The following CYFIP2 variants were observed in gnomAD, a reference collection of about 807,000 sequenced individuals.
CYFIP2 encodes the protein cytoplasmic FMR1 interacting protein 2, also known as cytoplasmic FMR1-interacting protein 2.
CYFIP2 carries 29 observed loss-of-function variants against 158.7 expected under a neutral mutation model. The ratio of observed to expected loss-of-function variants is 0.18; its 90% CI spans 0.14 to 0.25. CYFIP2 has a LOEUF of 0.25. Among genes scored for constraint, CYFIP2 ranks in the 10% least tolerant of loss-of-function variants. The probability of loss-of-function intolerance (pLI) is 1.00; values close to 1 mark genes in which losing one functional copy is unlikely to be tolerated. For synonymous variants in CYFIP2, 585 were observed against 617.6 expected (o/e 0.95, Z 0.78); for missense variants, 852 against 1,639.5 (o/e 0.52, Z 8.29).
At chr5:157,382,720 T>A (rs942489655) in intron 27 of CYFIP2, 58 bp downstream of exon 27, 1 of 1,536,326 alleles carries the variant, frequency 6.5e-7, no homozygotes, top group Non-Finnish European at 9.0e-7. Context: ...TATTCTCACT[T>A]CCTAATTGCA....
At chr5:157,278,470 A>G (rs1756734765) in intron 1 of CYFIP2, among the ~76,000 whole-genome samples, 1 of 152,200 alleles carries the variant, frequency 6.6e-6, no homozygotes, top group African/African-American at 2.4e-5. Context: ...AAGGCATAGA[A>G]TTGGGAGTCA....
intron 16 of CYFIP2, chr5:157,324,669 G>A (rs1760871767): frequency 6.6e-6 from 1 of 152,150 alleles, no homozygotes; most frequent in Non-Finnish European, 1.5e-5. Flanking sequence ...ATTATCACAC[G>A]CGAGGAGTCA....
intron 10 of CYFIP2, chr5:157,310,949 C>T: frequency 4.4e-6 from 2 of 454,880 alleles, no homozygotes; most frequent in Middle Eastern, 3.3e-4. Context: ...TCCTTTTTCT[C>T]TTGGGGATGG....
chr5:157,309,198 A>G (rs888116589), intron 9 of CYFIP2, among the ~76,000 whole-genome samples: 2 of 152,236 alleles, frequency 1.3e-5, no homozygotes, highest in Admixed American at 1.3e-4. Flanking sequence ...AGTGCTTGGC[A>G]TAGTACCTAG....
At chr5:157,324,613 G>T (rs1760865491) in intron 16 of CYFIP2, among the ~76,000 whole-genome samples, 2 of 152,224 alleles carry the variant, frequency 1.3e-5, no homozygotes, top group Admixed American at 1.3e-4. Context: ...TTAGAGAGTA[G>T]CCCGGGAAGG....
rs765652619 is a variant in CYFIP2 at position 157,324,001 on chromosome 5, T to A, written c.1752T>A (p.Asp584Glu). ...AGAAGACCCTGAGGAGCAGCCTGGA[T>A]GGACCCATTGTCCTCGCCATAGAGG... ...GSKKTLRSSL[D>E]GPIVLAIEDF... The change falls in exon 16 of 31, where the codon GAT becomes GAA. Residue 584 changes from aspartate (D) to glutamate (E), a missense_variant. Asp to Glu is a conservative substitution (Grantham distance 45). This residue lies in a region of CYFIP2 where 167 missense variants were observed against 343.3 expected (regional missense o/e 0.49). Coordinates refer to ENST00000620254, the MANE Select transcript of CYFIP2 (RefSeq NM_001037333.3). 16 of 1,613,422 alleles carry A rather than the reference T, an allele frequency of 9.9e-6. No homozygotes were observed. Among genetic ancestry groups the A allele is most frequent in the Non-Finnish European group, 1.4e-5 (16 of 1,179,684 alleles).
At chr5:157,270,199 G>A (rs1755973732) in intron 1 of CYFIP2, among the ~76,000 whole-genome samples, 1 of 152,200 alleles carries the variant, frequency 6.6e-6, no homozygotes. Context: ...GATTCTGTTT[G>A]CGTCATTATT....
In CYFIP2 at chr5:157,319,984, T is replaced by C. The variant is rs1014988875; in HGVS notation, c.1523+56T>C. On this transcript the variant is annotated intron_variant, in intron 14 of 30. Transcript: ENST00000620254. ...CAGACATAAGCATGCCAGGTACCCA[T>C]CAGAGAGGATGTCCTGGCTCAGCCA... 15 of 1,583,036 alleles carry C rather than the reference T, an allele frequency of 9.5e-6. No individual in the cohort carries two copies. The Middle Eastern group carries it at 5.1e-4, about 54-fold the overall frequency.
At chr5:157,343,447 A>G (rs1762445537) in intron 23 of CYFIP2, 1 of 1,614,030 alleles carries the variant, frequency 6.2e-7, no homozygotes, top group Non-Finnish European at 8.5e-7. Flanking sequence ...GCCTGTACAT[A>G]ATATGGTAAT....
chr5:157,320,034 C>T (rs1330793439), intron 14 of CYFIP2, 106 bp downstream of exon 14: 1 of 1,415,108 alleles, frequency 7.1e-7, no homozygotes. Flanking sequence ...GTCCTTCCAG[C>T]AAGCTCCAGA....
chr5:157,364,736 A>C (rs1368416003), intron 26 of CYFIP2: 1 of 152,152 alleles, frequency 6.6e-6, no homozygotes, highest in Non-Finnish European at 1.5e-5. Flanking sequence ...AGAATGAGGC[A>C]TGAGCTTTCT....
chr5:157,337,333 G>A (rs1209647429), intron 21 of CYFIP2, among the ~76,000 whole-genome samples: 1 of 152,122 alleles, frequency 6.6e-6, no homozygotes, highest in African/African-American at 2.4e-5. Flanking sequence ...AAAATTGCAG[G>A]ATTTGCCATC....
rs267600515 is a variant in CYFIP2 at position 157,314,395 on chromosome 5, G to A, written c.1162G>A (p.Glu388Lys). The change falls in exon 12 of 31, where the codon GAG becomes AAG. Residue 388 changes from glutamate to lysine, a missense_variant. Coordinates refer to ENST00000620254, the MANE Select transcript of CYFIP2 (RefSeq NM_001037333.3). ...DSQKSDEEYRELFDLALRGLQ... is the reference protein window; with the variant it reads ...DSQKSDEEYRKLFDLALRGLQ... ...CCAGAAGTCAGACGAGGAGTATCGC[G>A]AGCTCTTCGACCTAGCCCTGCGGGG... 7 of 1,613,926 alleles carry A rather than the reference G, an allele frequency of 4.3e-6. No homozygotes were observed. The highest frequency in any genetic ancestry group is 4.2e-6 in the Non-Finnish European group (5 of 1,179,874).
chr5:157,302,897 G>A lies in CYFIP2; in HGVS notation c.666+7G>A. The A allele has an allele frequency of 6.4e-7, 1 of 1,566,512 alleles. No homozygotes were observed. The highest frequency in any genetic ancestry group is 1.9e-5 in the Admixed American group (1 of 52,786). ...CCACAACAGGATCACCCAGGTGAGG[G>A]CAGACTCCTTGTTAGGCCTGGCCTG... is the stretch of plus-strand genomic sequence containing the variant. On this transcript the variant is annotated splice_region_variant and intron_variant, in intron 7 of 30. Transcript: ENST00000620254.
intron 20 of CYFIP2, among the ~76,000 whole-genome samples, chr5:157,332,607 T>C (rs953770243): frequency 2.0e-5 from 3 of 152,232 alleles, no homozygotes; most frequent in African/African-American, 4.8e-5. Context: ...CAGTTTCTTA[T>C]CGGTGCATGC....
intron 3 of CYFIP2, among the ~76,000 whole-genome samples, chr5:157,291,237 C>T (rs375982888): frequency 5.9e-5 from 9 of 152,114 alleles, no homozygotes; most frequent in Non-Finnish European, 1.2e-4. Flanking sequence ...GGGTTGAACA[C>T]GAATGATTCA....
intron 21 of CYFIP2, among the ~76,000 whole-genome samples, chr5:157,338,391 C>G (rs1263971831): frequency 1.3e-5 from 2 of 152,244 alleles, no homozygotes; most frequent in Non-Finnish European, 2.9e-5. Context: ...GCTCCCACCT[C>G]TTTTTAAAAC....
intron 26 of CYFIP2, chr5:157,364,955 A>G (rs997387274): frequency 2.0e-5 from 3 of 152,378 alleles, no homozygotes; most frequent in African/African-American, 7.2e-5. Flanking sequence ...GTAGTTTTGC[A>G]CATACCAAGA....
At chr5:157,291,157 G>A in intron 3 of CYFIP2, among the ~76,000 whole-genome samples, 1 of 152,180 alleles carries the variant, frequency 6.6e-6, no homozygotes, top group East Asian at 1.9e-4. Flanking sequence ...CATCCCCAGG[G>A]ATAAATATTT....
Sources: gnomAD v4.1 joint callset for allele counts (sites outside exome capture counted in the v4.1 genomes callset) on GRCh38, gnomAD v4.1.1 for gene constraint, gnomAD v4.1.1 regional missense constraint, MANE v1.5 for transcripts, NCBI Gene and HGNC (gene_info 2026-07-23, HGNC 2026-07-21) for gene names.